The following PRKN variants were observed in gnomAD, a reference collection of about 807,000 sequenced individuals.
PRKN encodes parkin RBR E3 ubiquitin protein ligase, also known as E3 ubiquitin-protein ligase parkin.
In PRKN, 56 loss-of-function variants were observed where a neutral mutation model predicts 59.5. That is an observed-to-expected ratio of 0.94 (90% CI 0.76 to 1.18). The LOEUF (loss-of-function observed/expected upper bound fraction) is 1.18, where lower values mean the gene tolerates loss of function less well. PRKN is among the 50% of genes most tolerant of loss of function. PRKN has a pLI of 0.00. For synonymous variants in PRKN, 250 were observed against 222.1 expected (o/e 1.13, Z -1.12); for missense variants, 657 against 596.4 (o/e 1.10, Z -1.06).
At chr6:162,503,166 C>CG (rs1793451845) in intron 1 of PRKN, among the ~76,000 whole-genome samples, 1 of 72,360 alleles carries the variant, frequency 1.4e-5, no homozygotes, top group Admixed American at 1.4e-4. Context: ...TTTTGTTGGC[C>CG]GGGGGGTGTT....
At chr6:162,330,154 A>C (rs3944451) in intron 2 of PRKN, among the ~76,000 whole-genome samples, 1 of 151,982 alleles carries the variant, frequency 6.6e-6, no homozygotes, top group Non-Finnish European at 1.5e-5. Context: ...CTTTTGAAAA[A>C]GATGTCTCTT....
intron 7 of PRKN, among the ~76,000 whole-genome samples, chr6:161,643,947 T>C (rs1478420698): frequency 3.5e-5 from 5 of 144,056 alleles, no homozygotes; most frequent in African/African-American, 1.3e-4. Context: ...TGAATTTTTT[T>C]TAGCCTGTCT....
chr6:162,365,405 T>C (rs758250338), intron 2 of PRKN, among the ~76,000 whole-genome samples: 9 of 152,170 alleles, frequency 5.9e-5, no homozygotes, highest in African/African-American at 1.4e-4. Flanking sequence ...CCCCTACTGA[T>C]GAATGTTGAA....
At chr6:162,349,184 C>A (rs973092160) in intron 2 of PRKN, among the ~76,000 whole-genome samples, 4 of 152,058 alleles carry the variant, frequency 2.6e-5, no homozygotes. Context: ...AAAGGAATGA[C>A]TGGCCTGGCA....
At chr6:161,905,523 A>G (rs1778107820) in intron 6 of PRKN, among the ~76,000 whole-genome samples, 1 of 152,170 alleles carries the variant, frequency 6.6e-6, no homozygotes, top group African/African-American at 2.4e-5. Flanking sequence ...CAGCTCTCCC[A>G]GCTCATTCAG....
rs1183917015 is a variant in PRKN, at chr6:161,550,220, A to G, written c.934-1217T>C. Reference sequence around the variant, plus strand: ...TGGGGCGGAGGCAGAGAGAACAAGGAGGGAAAAAAACAGAAGGTGAAGTTG... The same window carrying G: ...TGGGGCGGAGGCAGAGAGAACAAGGGGGGAAAAAAACAGAAGGTGAAGTTG... On this transcript the variant is annotated intron_variant, in intron 8 of 11. Transcript: ENST00000366898. The surrounding 1 kb of genome is among the most constrained non-coding windows in gnomAD (Gnocchi z 4.0). Among the ~76,000 whole-genome samples, 1 of 152,128 alleles carries G rather than the reference A, an allele frequency of 6.6e-6. No homozygotes were observed. The highest frequency in any genetic ancestry group is 1.9e-4 in the East Asian group (1 of 5,194).
rs558813893 is a variant in PRKN, at chr6:161,483,411, C to A, written c.1083+65443G>T. ...GAGCGTGGTTGAAAGGCTTGTCATGCGTAAGTGCTAATTAGCCCCAGGATG... is the reference window on the plus strand; with the variant it reads ...GAGCGTGGTTGAAAGGCTTGTCATGAGTAAGTGCTAATTAGCCCCAGGATG... On this transcript the variant is annotated intron_variant, in intron 9 of 11. Transcript: ENST00000366898. The surrounding 1 kb of genome is among the most constrained non-coding windows in gnomAD (Gnocchi z 5.0). Among the ~76,000 whole-genome samples, 1 of 152,240 alleles carries A rather than the reference C, an allele frequency of 6.6e-6. No homozygotes were observed. Among genetic ancestry groups the A allele is most frequent in the African/African-American group, 2.4e-5 (1 of 41,552 alleles).
At chr6:162,193,530 T>G (rs903006211) in intron 4 of PRKN, among the ~76,000 whole-genome samples, 1 of 152,206 alleles carries the variant, frequency 6.6e-6, no homozygotes, top group Non-Finnish European at 1.5e-5. Context: ...CTCTGCTCCA[T>G]GAGACCCTCA....
At chr6:162,665,916 A>G (rs1427182154) in intron 1 of PRKN, among the ~76,000 whole-genome samples, 1 of 152,158 alleles carries the variant, frequency 6.6e-6, no homozygotes, top group African/African-American at 2.4e-5. Flanking sequence ...ACCTGACAAA[A>G]ACAAGCAATG....
At chr6:162,625,731 T>C (rs1213187252) in intron 1 of PRKN, among the ~76,000 whole-genome samples, 4 of 152,092 alleles carry the variant, frequency 2.6e-5, no homozygotes, top group African/African-American at 7.2e-5. Context: ...TATAAACTTA[T>C]GTTTGCAAAA....
At chr6:161,418,408 C>A (rs1787949926) in intron 9 of PRKN, among the ~76,000 whole-genome samples, 1 of 152,200 alleles carries the variant, frequency 6.6e-6, no homozygotes, top group South Asian at 2.1e-4. Flanking sequence ...GAAAGTGAAT[C>A]TGTCTATATT....
At chr6:162,421,285 C>A (rs1250314323) in intron 2 of PRKN, among the ~76,000 whole-genome samples, 2 of 117,692 alleles carry the variant, frequency 1.7e-5, no homozygotes, top group African/African-American at 6.6e-5. Flanking sequence ...CATTATTACC[C>A]TCACAGCGCC....
rs1779573448 is a variant in PRKN, at chr6:162,556,344, TGTG to T, written c.8-112874_8-112872del. On this transcript the variant is annotated intron_variant, in intron 1 of 11. Transcript: ENST00000366898. ...AACCAAGCAGTAACTACTCAGCTGG[TGTG>T]TGTGTGTGTGTGTGTGTGTGTGTGT... Among the ~76,000 whole-genome samples the T allele has an allele frequency of 1.5e-3, 129 of 87,380 alleles. 2 individuals carry two copies. Among genetic ancestry groups the T allele is most frequent in the African/African-American group, 3.0e-3 (68 of 22,332 alleles). The allele number at this position is 87,380 out of a possible 152,430, so 57.3% of individuals were successfully genotyped here. A position where few individuals can be genotyped will look rare whatever the true frequency, so the allele number is the denominator to read the frequency against.
chr6:161,422,578 T>C (rs767464729), intron 9 of PRKN, among the ~76,000 whole-genome samples: 5 of 152,188 alleles, frequency 3.3e-5, no homozygotes, highest in Non-Finnish European at 7.3e-5. Flanking sequence ...TATATTCTCA[T>C]AGATGCTCTG....
intron 7 of PRKN, among the ~76,000 whole-genome samples, chr6:161,635,586 A>T (rs1056287860): frequency 1.3e-5 from 2 of 152,240 alleles, no homozygotes; most frequent in Non-Finnish European, 2.9e-5. Context: ...TCTGAGCATC[A>T]TCAGACGCAC....
chr6:162,284,807 CT>C (rs1353488906), intron 2 of PRKN, among the ~76,000 whole-genome samples: 1 of 152,182 alleles, frequency 6.6e-6, no homozygotes, highest in Non-Finnish European at 1.5e-5. Context: ...TTGCTATTTA[CT>C]GCCAATATGC....
chr6:162,570,253 A>C (rs1278557046), intron 1 of PRKN, among the ~76,000 whole-genome samples: 1 of 152,236 alleles, frequency 6.6e-6, no homozygotes, highest in Non-Finnish European at 1.5e-5. Flanking sequence ...AACTACAATG[A>C]GCTATTATCT....
At chr6:162,414,475 A>C (rs1043341952) in intron 2 of PRKN, among the ~76,000 whole-genome samples, 5 of 151,854 alleles carry the variant, frequency 3.3e-5, no homozygotes, top group Non-Finnish European at 5.9e-5. Flanking sequence ...TGGGAGGCCA[A>C]GGCGGCTGGA....
intron 4 of PRKN, among the ~76,000 whole-genome samples, chr6:162,170,280 GT>G (rs2128319393): frequency 1.3e-5 from 2 of 152,282 alleles, no homozygotes; most frequent in East Asian, 3.9e-4. Context: ...ACACATCAAC[GT>G]TTTAAGATCC....
Sources: allele counts gnomAD v4.1 joint callset (sites outside exome capture counted in the v4.1 genomes callset), GRCh38; gene constraint gnomAD v4.1.1; non-coding constraint Gnocchi (gnomAD v3.1); transcripts MANE v1.5; gene names NCBI Gene and HGNC (gene_info 2026-07-23, HGNC 2026-07-21).